MID1: variants seen among roughly 807,000 people sequenced by gnomAD.
MID1 encodes E3 ubiquitin-protein ligase Midline-1.
In MID1, 7 loss-of-function variants were observed where a neutral mutation model predicts 40.4. The observed-to-expected ratio is 0.17, with a 90% CI of 0.10 to 0.33. MID1 has a LOEUF of 0.33. Among genes scored for constraint, MID1 ranks in the 10% least tolerant of loss-of-function variants. The pLI, the probability that MID1 is intolerant of heterozygous loss-of-function variation, is 1.00. For missense variants in MID1, 367 were observed against 558.5 expected (o/e 0.66, Z 3.46); for synonymous variants, 229 against 221.2 (o/e 1.04, Z -0.31).
chrX:10,466,084 T>C (rs1449358551), intron 7 of MID1, among the ~76,000 whole-genome samples: 2 of 112,128 alleles, frequency 1.8e-5, no homozygotes, highest in Non-Finnish European at 3.8e-5. Context: ...ACGTTGGTTC[T>C]ATCAGTCCTC....
At chrX:10,650,586 T>A (rs917691488) in intron 1 of MID1, among the ~76,000 whole-genome samples, 1 of 111,694 alleles carries the variant, frequency 9.0e-6, no homozygotes, top group African/African-American at 3.3e-5. Flanking sequence ...CAAACTTTGT[T>A]CCAGACCATT....
In MID1 at chrX:10,450,152, G is replaced by A. The variant is rs774146595; in HGVS notation, c.1656-436C>T. On this transcript the variant is annotated intron_variant, in intron 9 of 9. Coordinates refer to ENST00000317552, the MANE Select transcript of MID1 (RefSeq NM_000381.4). ...GCTACTGGGCACTTTAGCTGCGGCT[G>A]GTGAGACTGAGGAACTGAACTTTAA... Among the ~76,000 whole-genome samples, 4 of 112,298 alleles carry A rather than the reference G, an allele frequency of 3.6e-5. No individual in the cohort carries two copies. In the South Asian group the frequency reaches 1.5e-3, roughly 42 times the overall value.
At chrX:10,627,238 C>T (rs1341250496) in intron 1 of MID1, among the ~76,000 whole-genome samples, 5 of 111,906 alleles carry the variant, frequency 4.5e-5, no homozygotes, top group Admixed American at 9.5e-5. Context: ...TGACCAGAGT[C>T]GTGGTAGAGC....
At chrX:10,719,563 G>T (rs1197226122) in intron 1 of MID1, among the ~76,000 whole-genome samples, 1 of 111,963 alleles carries the variant, frequency 8.9e-6, no homozygotes, top group Non-Finnish European at 1.9e-5. Flanking sequence ...CAAACAAATG[G>T]AAGAACATTC....
intron 1 of MID1, among the ~76,000 whole-genome samples, chrX:10,608,287 T>C (rs988797689): frequency 1.8e-5 from 2 of 112,155 alleles, no homozygotes; most frequent in Admixed American, 9.4e-5. Flanking sequence ...CTTACAGTCA[T>C]ACAAAATCCT....
intron 1 of MID1, among the ~76,000 whole-genome samples, chrX:10,712,516 C>T (rs919997584): frequency 9.9e-5 from 11 of 110,952 alleles, no homozygotes; most frequent in Non-Finnish European, 1.7e-4. Context: ...GCAGACAGCC[C>T]ACTCCAAGGG....
intron 1 of MID1, among the ~76,000 whole-genome samples, chrX:10,732,983 C>T (rs1259768416): frequency 5.5e-5 from 6 of 109,317 alleles, no homozygotes; most frequent in Non-Finnish European, 1.1e-4. Flanking sequence ...CCTGTCTCAG[C>T]CTCCCGAGTA....
At chrX:10,476,712 G>A (rs889869922) in intron 5 of MID1, among the ~76,000 whole-genome samples, 1 of 111,488 alleles carries the variant, frequency 9.0e-6, no homozygotes, top group African/African-American at 3.3e-5. Flanking sequence ...GTGTCTGAAT[G>A]AGGGTAGAGA....
At chrX:10,685,099 CT>C (rs1231562841) in intron 1 of MID1, among the ~76,000 whole-genome samples, 1 of 112,155 alleles carries the variant, frequency 8.9e-6, no homozygotes, top group Non-Finnish European at 1.9e-5. Flanking sequence ...TATGCCACAA[CT>C]TCTATCTTTT....
intron 2 of MID1, among the ~76,000 whole-genome samples, chrX:10,561,650 T>C (rs1411473394): frequency 9.3e-6 from 1 of 107,125 alleles, no homozygotes; most frequent in Non-Finnish European, 1.9e-5. Flanking sequence ...ATTAGGAAAA[T>C]GCAAATCAAA....
At chrX:10,727,197 C>G (rs1301617714) in intron 1 of MID1, among the ~76,000 whole-genome samples, 3 of 112,458 alleles carry the variant, frequency 2.7e-5, no homozygotes, top group African/African-American at 9.7e-5. Context: ...TCACTACAAC[C>G]TCCTCCTCCT....
intron 1 of MID1, among the ~76,000 whole-genome samples, chrX:10,645,854 G>T (rs991267774): frequency 1.8e-5 from 2 of 111,653 alleles, no homozygotes; most frequent in Non-Finnish European, 3.8e-5. Flanking sequence ...AACTCTCCTG[G>T]ATTGGCAACC....
intron 3 of MID1, among the ~76,000 whole-genome samples, chrX:10,496,811 T>C (rs2147323660): frequency 8.9e-6 from 1 of 112,495 alleles, no homozygotes; most frequent in East Asian, 2.8e-4. Flanking sequence ...TTGAATTTTA[T>C]TCCTGATCAT....
intron 1 of MID1, among the ~76,000 whole-genome samples, chrX:10,648,744 T>C (rs1396115679): frequency 9.0e-6 from 1 of 111,430 alleles, no homozygotes; most frequent in Non-Finnish European, 1.9e-5. Context: ...TTTCCCAGCT[T>C]CCCGTGTTGT....
chrX:10,726,919 G>A (rs1488499943), intron 1 of MID1, among the ~76,000 whole-genome samples: 1 of 112,197 alleles, frequency 8.9e-6, no homozygotes, highest in African/African-American at 3.2e-5. Flanking sequence ...TTCTGCCTGT[G>A]GCGTATGACA....
Position 10,449,543 on chromosome X carries a change from T to C in MID1, c.1829A>G (p.Tyr610Cys). 9 of 1,211,923 alleles carry C rather than the reference T, an allele frequency of 7.4e-6. No homozygotes were observed. Among genetic ancestry groups the C allele is most frequent in the Non-Finnish European group, 1.0e-5 (9 of 895,572 alleles). Residue 610 changes from tyrosine to cysteine, a missense_variant, in exon 10 of 10, where the codon TAT (tyrosine) becomes TGT (cysteine). Tyr to Cys is a radical substitution (Grantham distance 194). Coordinates refer to ENST00000317552, the MANE Select transcript of MID1 (RefSeq NM_000381.4). ...ATAAAAGGCGATAGAGCCGTTATCA[T>C]AGTCCAGCAGGATGCCCACGCGCCG... Reference protein sequence around the residue: ...HLRRVGILLDYDNGSIAFYDA... With the variant: ...HLRRVGILLDCDNGSIAFYDA...
intron 1 of MID1, among the ~76,000 whole-genome samples, chrX:10,819,687 T>C (rs777957271): frequency 3.0e-4 from 34 of 112,183 alleles, no homozygotes; most frequent in African/African-American, 1.1e-3. Context: ...CTTAATTTTC[T>C]GGCAAATTTC....
chrX:10,611,152 T>C (rs1235243567), intron 1 of MID1, among the ~76,000 whole-genome samples: 3 of 112,169 alleles, frequency 2.7e-5, no homozygotes, highest in Non-Finnish European at 5.6e-5. Context: ...TAATAAGGAA[T>C]GCCAAAACAT....
At chrX:10,569,869 C>T (rs997946495) in intron 1 of MID1, among the ~76,000 whole-genome samples, 10 of 111,392 alleles carry the variant, frequency 9.0e-5, no homozygotes, top group Non-Finnish European at 1.7e-4. Flanking sequence ...ATCTGGGGTT[C>T]ACATCACCTC....
Sources: allele counts gnomAD v4.1 joint callset (sites outside exome capture counted in the v4.1 genomes callset), GRCh38; gene constraint gnomAD v4.1.1; transcripts MANE v1.5; gene names NCBI Gene and HGNC (gene_info 2026-07-23, HGNC 2026-07-21).